CNTNAP5: variants seen among roughly 807,000 people sequenced by gnomAD.
CNTNAP5 encodes contactin associated protein family member 5, also known as contactin-associated protein-like 5.
In CNTNAP5, 72 loss-of-function variants were observed where a neutral mutation model predicts 150.2. That is an observed-to-expected ratio of 0.48 (90% CI 0.40 to 0.58). The LOEUF (loss-of-function observed/expected upper bound fraction) is 0.58. Ranked by LOEUF, CNTNAP5 falls within the 20% of genes least tolerant of loss-of-function variation. The pLI, the probability that CNTNAP5 is intolerant of heterozygous loss-of-function variation, is 0.00. For missense variants in CNTNAP5, 1,636 were observed against 1,626.2 expected (o/e 1.01, Z -0.10); for synonymous variants, 672 against 619.8 (o/e 1.08, Z -1.25).
At chr2:124,593,200 A>G (rs1343888898) in intron 11 of CNTNAP5, among the ~76,000 whole-genome samples, 3 of 146,722 alleles carry the variant, frequency 2.0e-5, no homozygotes, top group African/African-American at 7.5e-5. Context: ...TTAGTTACAT[A>G]TGTATACATG....
At chr2:124,691,187 G>T (rs1308509421) in intron 13 of CNTNAP5, among the ~76,000 whole-genome samples, 1 of 152,066 alleles carries the variant, frequency 6.6e-6, no homozygotes, top group African/African-American at 2.4e-5. Context: ...AGAAGGGTAA[G>T]AATTTAAGCA....
At chr2:124,868,874 C>T (rs1200173865) in intron 20 of CNTNAP5, among the ~76,000 whole-genome samples, 6 of 152,032 alleles carry the variant, frequency 3.9e-5, no homozygotes, top group Non-Finnish European at 4.4e-5. Flanking sequence ...CTGGGAATAG[C>T]ACCATATGCA....
At chr2:124,844,952 A>G (rs1248583953) in intron 19 of CNTNAP5, among the ~76,000 whole-genome samples, 2 of 152,070 alleles carry the variant, frequency 1.3e-5, no homozygotes, top group African/African-American at 2.4e-5. Flanking sequence ...CCTCTTACCA[A>G]TTTGGATGCC....
In CNTNAP5 at chr2:124,174,110, G is replaced by GAAAA. The variant is rs3063417; in HGVS notation, c.83-47583_83-47580dup. Among the ~76,000 whole-genome samples the GAAAA allele has an allele frequency of 6.3e-4, 90 of 142,996 alleles. 1 individual carries two copies. The highest frequency in any genetic ancestry group is 1.5e-3 in the East Asian group (7 of 4,776). 93.8% of individuals were successfully genotyped at this position (142,996 alleles called of 152,430 possible). A position where few individuals can be genotyped will look rare whatever the true frequency, so the allele number is the denominator to read the frequency against. ...CCCACTGTTGAGATTTACTGCTCAG[G>GAAAA]AAAAAAAAAAAAAAAGATTCATTTC... is the stretch of plus-strand genomic sequence containing the variant. On this transcript the variant is annotated intron_variant, in intron 1 of 23. Transcript: ENST00000682447.
chr2:124,151,428 C>G (rs1200828999), intron 1 of CNTNAP5, among the ~76,000 whole-genome samples: 2 of 152,126 alleles, frequency 1.3e-5, no homozygotes, highest in South Asian at 2.1e-4. Context: ...CTGACTTTGT[C>G]AAGAGCACTT....
intron 1 of CNTNAP5, among the ~76,000 whole-genome samples, chr2:124,163,704 A>G (rs903518859): frequency 1.3e-5 from 2 of 152,126 alleles, no homozygotes; most frequent in Non-Finnish European, 2.9e-5. Context: ...AGCCCTTAAG[A>G]TTATATGCCT....
Position 124,025,566 on chromosome 2 carries a change from C to A in CNTNAP5, c.-85C>A. On this transcript the variant is annotated 5_prime_UTR_variant, in exon 1 of 24. Transcript: ENST00000682447. Reference sequence around the variant, plus strand: ...GGGGGTGGGAGGGGGTCAGGCTGTGCAGAGGAGAGAGACAGCGAGAAGAAG... The same window carrying A: ...GGGGGTGGGAGGGGGTCAGGCTGTGAAGAGGAGAGAGACAGCGAGAAGAAG... 3 of 1,192,636 alleles carry A rather than the reference C, an allele frequency of 2.5e-6. No homozygotes were observed. Among genetic ancestry groups the A allele is most frequent in the South Asian group, 1.2e-5 (1 of 82,062 alleles). 73.9% of individuals were successfully genotyped at this position (1,192,636 alleles called of 1,614,324 possible). A position where few individuals can be genotyped will look rare whatever the true frequency, so the allele number is the denominator to read the frequency against.
At chr2:124,337,639 C>T (rs1689507629) in intron 3 of CNTNAP5, among the ~76,000 whole-genome samples, 1 of 152,106 alleles carries the variant, frequency 6.6e-6, no homozygotes, top group Admixed American at 6.6e-5. Flanking sequence ...GAATCATTTC[C>T]CCATTTCCTG....
At chr2:124,233,905 C>CA (rs572160766) in intron 2 of CNTNAP5, among the ~76,000 whole-genome samples, 6 of 151,834 alleles carry the variant, frequency 4.0e-5, no homozygotes, top group Non-Finnish European at 7.4e-5. Flanking sequence ...CTTTTAAACT[C>CA]AAAAACACCA....
chr2:124,249,320 C>A (rs918096350), intron 3 of CNTNAP5, among the ~76,000 whole-genome samples: 1 of 152,140 alleles, frequency 6.6e-6, no homozygotes, highest in African/African-American at 2.4e-5. Flanking sequence ...ATCTCCTTTC[C>A]CCTTTGTTTT....
At chr2:124,867,512 C>T (rs994025190) in intron 20 of CNTNAP5, among the ~76,000 whole-genome samples, 2 of 152,164 alleles carry the variant, frequency 1.3e-5, no homozygotes, top group South Asian at 2.1e-4. Context: ...TGACAACTGA[C>T]ATAGGGATTC....
intron 9 of CNTNAP5, 47 bp downstream of exon 9, chr2:124,524,499 T>A: frequency 4.1e-5 from 61 of 1,474,480 alleles, no homozygotes; most frequent in Non-Finnish European, 5.3e-5. Context: ...GGGAGGGAAA[T>A]TTAAGTGGGC....
chr2:124,798,056 A>T, intron 18 of CNTNAP5, 40 bp from the exon 19 acceptor site: 2 of 1,475,124 alleles, frequency 1.4e-6, no homozygotes, highest in Non-Finnish European at 1.9e-6. Context: ...CAATGGATCT[A>T]AAGGTTTCAA....
intron 19 of CNTNAP5, among the ~76,000 whole-genome samples, chr2:124,853,124 C>T (rs1683189922): frequency 6.6e-6 from 1 of 152,160 alleles, no homozygotes; most frequent in African/African-American, 2.4e-5. Flanking sequence ...CTAGCAATGC[C>T]GTAGTAAAGG....
chr2:124,659,602 T>G (rs1408562400), intron 13 of CNTNAP5, among the ~76,000 whole-genome samples: 3 of 152,186 alleles, frequency 2.0e-5, no homozygotes, highest in Non-Finnish European at 4.4e-5. Context: ...AGCTAACATA[T>G]TGACCTCACT....
chr2:124,648,227 A>G (rs1009664429), intron 13 of CNTNAP5, among the ~76,000 whole-genome samples: 4 of 152,232 alleles, frequency 2.6e-5, no homozygotes, highest in Non-Finnish European at 5.9e-5. Flanking sequence ...AGTTGTGAGA[A>G]TGAAGAACAT....
intron 2 of CNTNAP5, among the ~76,000 whole-genome samples, chr2:124,233,966 GTTAAATGTAATA>G (rs1686685866): frequency 6.6e-6 from 1 of 151,948 alleles, no homozygotes; most frequent in South Asian, 2.1e-4. Flanking sequence ...AAGAATCCAA[GTTAAATGTAATA>G]TGCTCAACTG....
Position 124,227,478 on chromosome 2 carries a change from A to G in CNTNAP5, c.187+5669A>G, listed in dbSNP as rs566843299. On this transcript the variant is annotated intron_variant, in intron 2 of 23. Coordinates refer to ENST00000682447, the MANE Select transcript of CNTNAP5 (RefSeq NM_001367498.1). ...ACATGTGTTCGGAAAAAGAGTAGGT[A>G]CTAAGATACACATGCATTATTTTAA... Among the ~76,000 whole-genome samples the G allele has an allele frequency of 3.0e-3, 459 of 152,304 alleles. 2 individuals are homozygous for G. The Middle Eastern group carries it at 0.034, about 11-fold the overall frequency.
intron 11 of CNTNAP5, among the ~76,000 whole-genome samples, chr2:124,591,943 C>T (rs1012560559): frequency 6.6e-6 from 1 of 152,072 alleles, no homozygotes; most frequent in African/African-American, 2.4e-5. Context: ...CAAATAAGTT[C>T]ATACCCCCAT....
Sources: gnomAD v4.1 joint callset for allele counts (sites outside exome capture counted in the v4.1 genomes callset) on GRCh38, gnomAD v4.1.1 for gene constraint, MANE v1.5 for transcripts, NCBI Gene and HGNC (gene_info 2026-07-23, HGNC 2026-07-21) for gene names.